Variants in UBR4 observed in about 807,000 individuals in gnomAD.
UBR4 encodes the protein E3 ubiquitin-protein ligase UBR4.
In UBR4, 124 loss-of-function variants were observed where a neutral mutation model predicts 575.6. The ratio of observed to expected loss-of-function variants is 0.22; its 90% CI spans 0.19 to 0.25. The LOEUF is 0.25. UBR4 is among the 10% of genes least tolerant of loss of function. The pLI is 1.00. For missense variants in UBR4, 4,818 were observed against 6,478.8 expected (o/e 0.74, Z 8.80); for synonymous variants, 2,455 against 2,473.7 (o/e 0.99, Z 0.22).
chr1:19,092,707 C>T (rs752947732), intron 97 of UBR4, 112 bp downstream of exon 97: 195 of 817,970 alleles, frequency 2.4e-4, no homozygotes, highest in Non-Finnish European at 3.2e-4. Context: ...ACTTCTGAGG[C>T]TCACTTCTAC....
chr1:19,139,512 T>G lies in UBR4; in HGVS notation c.8594-292A>C, dbSNP rs1317598357. 6.6e-6 allele frequency among the ~76,000 whole-genome samples: 1 copy of G among 152,188 alleles called. No individual in the cohort carries two copies. ...TCACTGTTTTACATTACAGTGCAAGTAGAACAGTGCAGAGATTCAGTAAGA... is the reference window on the plus strand; with the variant it reads ...TCACTGTTTTACATTACAGTGCAAGGAGAACAGTGCAGAGATTCAGTAAGA... On this transcript the variant is annotated intron_variant, in intron 58 of 105. Coordinates refer to ENST00000375254, the MANE Select transcript of UBR4 (RefSeq NM_020765.3). This position sits in a 1 kb window ranked among gnomAD's most constrained non-coding sequence, Gnocchi z 4.2.
chr1:19,169,803 T>C (rs916654513), intron 26 of UBR4, among the ~76,000 whole-genome samples: 10 of 152,230 alleles, frequency 6.6e-5, no homozygotes, highest in African/African-American at 1.7e-4. Flanking sequence ...GAAAATAAGA[T>C]GCAAAGTGAG....
chr1:19,108,609 G>T (rs372779976), intron 81 of UBR4, among the ~76,000 whole-genome samples: 1 of 152,070 alleles, frequency 6.6e-6, no homozygotes, highest in African/African-American at 2.4e-5. Context: ...TGATGAAACC[G>T]GGTGGCAGTG....
chr1:19,155,865 G>A (rs529308608), intron 42 of UBR4, among the ~76,000 whole-genome samples, 197 bp from the exon 43 acceptor site: 126 of 152,284 alleles, frequency 8.3e-4, no homozygotes, highest in Non-Finnish European at 1.1e-3. Flanking sequence ...ATGAGTAGGG[G>A]ACAGACATAC....
chr1:19,104,636 C>A lies in UBR4; in HGVS notation c.12676G>T (p.Ala4226Ser). The A allele has an allele frequency of 6.2e-7, 1 of 1,614,082 alleles. No individual in the cohort carries two copies. Among genetic ancestry groups the A allele is most frequent in the Non-Finnish European group, 8.5e-7 (1 of 1,180,012 alleles). ...EIARLLALEE[A>S]TLSTDLQQGY... ...TGCTGCAGATCGGTACTCAGGGTAG[C>A]CTCCTCCAGGGCCAGCAGACGAGCT... The change falls in exon 86 of 106, where the codon GCT becomes TCT. Residue 4226 changes from alanine to serine, a missense_variant. By Grantham distance (99) the Ala-to-Ser change is moderately conservative. Transcript: ENST00000375254.
chr1:19,187,106 A>C (rs1557964359), intron 13 of UBR4, 58 bp downstream of exon 13: 6 of 1,173,920 alleles, frequency 5.1e-6, no homozygotes, highest in African/African-American at 4.8e-5. Flanking sequence ...ACATATATAT[A>C]TCATATATAT....
In UBR4 at chr1:19,106,612, G is replaced by A; in HGVS notation, c.12350C>T (p.Ser4117Phe). 1 of 1,598,628 alleles carries A rather than the reference G, an allele frequency of 6.3e-7. No individual in the cohort carries two copies. The highest frequency in any genetic ancestry group is 1.1e-5 in the South Asian group (1 of 88,144). Reference sequence around the variant, plus strand: ...ATGCCCCAGTTTGAGATCCAAGGGGGAGGTCCTCTTCCCCCGACGACTCAG... The same window carrying A: ...ATGCCCCAGTTTGAGATCCAAGGGGAAGGTCCTCTTCCCCCGACGACTCAG... The part of the protein sequence containing the change: ...QFLSRRGKRT[S>F]PLDLKLGHNN... Residue 4117 changes from serine to phenylalanine, a missense_variant, in exon 83 of 106, where the codon TCC becomes TTC. By Grantham distance (155) the Ser-to-Phe change is radical. Around this residue, in one of 29 missense-constraint regions of UBR4, gnomAD observed 178 missense variants for 175.5 expected, o/e 1.01. Transcript: ENST00000375254.
In UBR4 at chr1:19,146,179, C is replaced by T. The variant is rs550691198; in HGVS notation, c.7805-246G>A. 5.8e-5 allele frequency: 75 copies of T among 1,292,652 alleles called. No individual in the cohort carries two copies. In the East Asian group the frequency reaches 9.4e-4, roughly 16 times the overall value. 80.1% of individuals were successfully genotyped at this position (1,292,652 alleles called of 1,614,324 possible). A position where few individuals can be genotyped will look rare whatever the true frequency, so the allele number is the denominator to read the frequency against. The stretch of plus-strand genomic sequence containing the variant: ...AACGGGGAGCATTTAGGATGTTTAC[C>T]GCAGATTCAAAGATCTCAGTTCCAA... On this transcript the variant is annotated intron_variant, in intron 52 of 105. Coordinates refer to ENST00000375254, the MANE Select transcript of UBR4 (RefSeq NM_020765.3).
Position 19,161,895 on chromosome 1 carries a change from A to T in UBR4, c.4959T>A (p.Asp1653Glu). ...EEEDSQAEDS[D>E]EDSLCNKLCT... ...AGAGTTTATTGCAAAGAGAATCTTC[A>T]TCCTTCAAAAATAATAAGTCTTTTT... The change falls in exon 36 of 106, where the codon GAT (aspartate) becomes GAA (glutamate). Residue 1653 changes from aspartate (D) to glutamate (E), a missense_variant and splice_region_variant. Physicochemically the swap from Asp to Glu is conservative, Grantham distance 45. This residue lies in a region of UBR4 where 18 missense variants were observed against 37.3 expected (regional missense o/e 0.48). Transcript: ENST00000375254. 1 of 1,614,148 alleles carries T rather than the reference A, an allele frequency of 6.2e-7. No homozygotes were observed. Among genetic ancestry groups the T allele is most frequent in the Non-Finnish European group, 8.5e-7 (1 of 1,180,024 alleles).
chr1:19,076,944 TG>T (rs1194428879), intron 104 of UBR4, 42 bp from the exon 105 acceptor site: 2 of 1,518,880 alleles, frequency 1.3e-6, no homozygotes, highest in Non-Finnish European at 1.8e-6. Flanking sequence ...GGTGACTTAC[TG>T]CTGCCTCATC....
At position 19,104,216 on chromosome 1, in the gene UBR4, G is replaced by T; in HGVS notation, c.12769C>A (p.His4257Asn). 6.2e-7 allele frequency: 1 copy of T among 1,614,238 alleles called. No individual in the cohort carries two copies. ...GTACCCACCAAGCGACTTTTAAAAT[G>T]TCTTTTGATGGATTCCACCTCAACA... ...SFVEVESIKR[H>N]FKSRLVGTVL... Residue 4257 changes from histidine (H) to asparagine (N), a missense_variant, in exon 87 of 106, where the codon CAT (histidine) becomes AAT (asparagine). Around this residue, in one of 29 missense-constraint regions of UBR4, gnomAD observed 105 missense variants for 232.8 expected, o/e 0.45. Transcript: ENST00000375254.
intron 97 of UBR4, among the ~76,000 whole-genome samples, chr1:19,091,011 G>A (rs966117084): frequency 1.1e-4 from 16 of 151,892 alleles, no homozygotes; most frequent in African/African-American, 3.6e-4. Flanking sequence ...CAGGAGAATC[G>A]CTTGAACCCG....
Position 19,152,198 on chromosome 1 carries a change from G to A in UBR4, c.6996+115C>T. The stretch of plus-strand genomic sequence containing the variant: ...AGGAACCATTTAACTAGAACCGAGG[G>A]TTGTGACTGTGAGTATATACTCTAT... On this transcript the variant is annotated intron_variant, in intron 47 of 105. Transcript: ENST00000375254. The surrounding 1 kb of genome is among the most constrained non-coding windows in gnomAD (Gnocchi z 4.4). The A allele has an allele frequency of 7.2e-7, 1 of 1,392,194 alleles. No homozygotes were observed. The highest frequency in any genetic ancestry group is 9.8e-7 in the Non-Finnish European group (1 of 1,016,204). The allele number at this position is 1,392,194 out of a possible 1,614,324, so 86.2% of individuals were successfully genotyped here. A position where few individuals can be genotyped will look rare whatever the true frequency, so the allele number is the denominator to read the frequency against.
chr1:19,126,528 A>T lies in UBR4; in HGVS notation c.9356T>A (p.Val3119Glu). The T allele has an allele frequency of 6.2e-7, 1 of 1,614,224 alleles. No homozygotes were observed. Among genetic ancestry groups the T allele is most frequent in the Non-Finnish European group, 8.5e-7 (1 of 1,180,028 alleles). Residue 3119 changes from valine (V) to glutamate (E), a missense_variant, in exon 64 of 106, where the codon GTG becomes GAG. Val to Glu is a moderately radical substitution (Grantham distance 121). Transcript: ENST00000375254. ...WKSQQNDEEP[V>E]ATSQLLKPHT... is the part of the protein sequence containing the mutation. ...TGGTTTCAGCAACTGGCTGGTAGCC[A>T]CAGGCTCCTCGTCATTCTGTTGGCT...
chr1:19,087,192 G>A (rs1416601525), intron 99 of UBR4, among the ~76,000 whole-genome samples: 1 of 152,260 alleles, frequency 6.6e-6, no homozygotes. Flanking sequence ...CAGCTCTGAA[G>A]AGCCTGCATT....
In UBR4 at chr1:19,124,690, C is replaced by T. The variant is rs1485979750; in HGVS notation, c.9439G>A (p.Gly3147Ser). Residue 3147 changes from glycine to serine, a missense_variant and splice_region_variant, in exon 65 of 106, where the codon GGT (glycine) becomes AGT (serine). Physicochemically the swap from Gly to Ser is moderately conservative, Grantham distance 56. Around this residue, in one of 29 missense-constraint regions of UBR4, gnomAD observed 550 missense variants for 791.5 expected, o/e 0.69. Transcript: ENST00000375254. ...GCCTCAAACACATCAGCAGCATGAC[C>T]CTGGGAGAAGAAAATTTGCATGAGA... ...SPFFLRQYVK[G>S]HAADVFEAYT... is the part of the protein sequence containing the mutation. 1.9e-6 allele frequency: 3 copies of T among 1,605,826 alleles called. No homozygotes were observed. The highest frequency in any genetic ancestry group is 2.2e-5 in the South Asian group (2 of 89,386).
In UBR4 at chr1:19,117,576, G is replaced by C. The variant is rs965351657; in HGVS notation, c.10630-162C>G. 4.6e-5 allele frequency among the ~76,000 whole-genome samples: 7 copies of C among 152,070 alleles called. No individual in the cohort carries two copies. Among genetic ancestry groups the C allele is most frequent in the Non-Finnish European group, 8.8e-5 (6 of 68,006 alleles). ...GGGGTCTCACCATCTTGCCCAGGCT[G>C]GTCTAAAACCCCTGGGCTCAGGGGA... On this transcript the variant is annotated intron_variant, in intron 72 of 105. Coordinates refer to ENST00000375254, the MANE Select transcript of UBR4 (RefSeq NM_020765.3). The surrounding 1 kb of genome is among the most constrained non-coding windows in gnomAD (Gnocchi z 4.0).
Position 19,175,216 on chromosome 1 carries a change from C to A in UBR4, c.2774-183G>T, listed in dbSNP as rs547920608. On this transcript the variant is annotated intron_variant, in intron 20 of 105. Coordinates refer to ENST00000375254, the MANE Select transcript of UBR4 (RefSeq NM_020765.3). ...TTATGCACTCTAGGTGACTTAACAG[C>A]AGCCCTGGCCTCTACCCCCTGAATG... 9.9e-5 allele frequency among the ~76,000 whole-genome samples: 15 copies of A among 152,014 alleles called. 1 individual carries two copies. In the South Asian group the frequency reaches 3.1e-3, roughly 31 times the overall value.
intron 28 of UBR4, among the ~76,000 whole-genome samples, chr1:19,167,773 A>G (rs556916240): frequency 9.2e-5 from 14 of 152,308 alleles, no homozygotes; most frequent in Admixed American, 8.5e-4. Context: ...GACATCTCCA[A>G]ATTGCAATAT....
Sources: allele counts gnomAD v4.1 joint callset (sites outside exome capture counted in the v4.1 genomes callset), GRCh38; gene constraint gnomAD v4.1.1; regional missense constraint gnomAD v4.1.1; non-coding constraint Gnocchi (gnomAD v3.1); transcripts MANE v1.5; gene names NCBI Gene and HGNC (gene_info 2026-07-23, HGNC 2026-07-21).